ESRRG: variants seen among roughly 807,000 people sequenced by gnomAD.
ESRRG encodes the protein estrogen related receptor gamma.
A neutral mutation model predicts 44.0 loss-of-function variants in ESRRG; 13 were observed. The ratio of observed to expected loss-of-function variants is 0.30; its 90% CI spans 0.19 to 0.47. The LOEUF (loss-of-function observed/expected upper bound fraction) is 0.47. ESRRG is among the 20% of genes least tolerant of loss of function. ESRRG has a pLI of 1.00. For missense variants in ESRRG, 395 were observed against 580.6 expected, an observed-to-expected ratio of 0.68 and a Z score of 3.29; for synonymous variants, 215 against 214.6, an observed-to-expected ratio of 1.00 and a Z score of -0.02.
intron 1 of ESRRG, among the ~76,000 whole-genome samples, chr1:216,951,890 C>CATATAT (rs59850514): frequency 6.7e-6 from 1 of 149,364 alleles, no homozygotes; most frequent in Non-Finnish European, 1.5e-5. Context: ...CATATGTTTG[C>CATATAT]ATATATATAT....
chr1:216,615,429 G>C (rs1364593691), intron 3 of ESRRG, among the ~76,000 whole-genome samples: 1 of 152,152 alleles, frequency 6.6e-6, no homozygotes, highest in Non-Finnish European at 1.5e-5. Context: ...TTAACGTAGG[G>C]CTTGTTTACA....
chr1:216,859,754 G>A (rs990262512), intron 2 of ESRRG, among the ~76,000 whole-genome samples: 4 of 152,104 alleles, frequency 2.6e-5, no homozygotes, highest in Non-Finnish European at 5.9e-5. Context: ...AGAATCTAAA[G>A]GATGAAACTA....
In ESRRG at chr1:216,663,731, A is replaced by C. The variant is rs538735637; in HGVS notation, c.473-12642T>G. 1.1e-4 allele frequency among the ~76,000 whole-genome samples: 16 copies of C among 152,318 alleles called. No homozygotes were observed. The Middle Eastern group carries it at 0.01, about 97-fold the overall frequency. ...GCCTTCTGGAGTGGTCACAAAGTTTATGCAAATGGACAATTATTCTCACAT... is the reference window on the plus strand; with the variant it reads ...GCCTTCTGGAGTGGTCACAAAGTTTCTGCAAATGGACAATTATTCTCACAT... On this transcript the variant is annotated intron_variant, in intron 2 of 6. Transcript: ENST00000408911.
At chr1:217,070,330 A>G (rs1008863682) in intron 1 of ESRRG, among the ~76,000 whole-genome samples, 7 of 152,230 alleles carry the variant, frequency 4.6e-5, no homozygotes, top group Non-Finnish European at 1.0e-4. Context: ...AGATTAATCT[A>G]ATTTATGTCT....
chr1:217,026,912 C>CACACAGAGAGAGAGAGAG (rs1255637839), intron 1 of ESRRG, among the ~76,000 whole-genome samples: 3 of 93,472 alleles, frequency 3.2e-5, no homozygotes, highest in Admixed American at 2.4e-4. Context: ...CACACACACA[C>CACACAGAGAGAGAGAGAG]AGAGAGAGAG....
chr1:216,852,014 C>T (rs2095850319), intron 2 of ESRRG, among the ~76,000 whole-genome samples: 1 of 152,048 alleles, frequency 6.6e-6, no homozygotes, highest in Non-Finnish European at 1.5e-5. Flanking sequence ...GAAAGAAAAG[C>T]AATATGAGAA....
At chr1:216,930,725 A>C (rs1014813929) in intron 2 of ESRRG, among the ~76,000 whole-genome samples, 1 of 152,164 alleles carries the variant, frequency 6.6e-6, no homozygotes, top group African/African-American at 2.4e-5. Context: ...CAACATCCAG[A>C]TTTCTTCTAG....
intron 2 of ESRRG, among the ~76,000 whole-genome samples, chr1:216,674,737 G>A (rs971015554): frequency 1.0e-4 from 15 of 150,522 alleles, no homozygotes; most frequent in Admixed American, 8.7e-4. Context: ...AACCTTTCCA[G>A]TAGCCACGAC....
intron 1 of ESRRG, among the ~76,000 whole-genome samples, chr1:216,992,065 T>A (rs144374346): frequency 2.0e-5 from 3 of 152,192 alleles, no homozygotes; most frequent in Non-Finnish European, 2.9e-5. Context: ...TGGATTCCCA[T>A]GCAGTCTGGA....
At chr1:216,888,365 G>A (rs976085290) in intron 2 of ESRRG, among the ~76,000 whole-genome samples, 2 of 152,094 alleles carry the variant, frequency 1.3e-5, no homozygotes, top group Non-Finnish European at 2.9e-5. Context: ...ATGCTCTGTT[G>A]TCCTTTAGAA....
chr1:216,916,425 G>C (rs1447246628), intron 2 of ESRRG, among the ~76,000 whole-genome samples: 1 of 152,190 alleles, frequency 6.6e-6, no homozygotes, highest in African/African-American at 2.4e-5. Flanking sequence ...TGAAAGACAG[G>C]AATTCATTAG....
At chr1:216,667,929 C>T (rs1349365705) in intron 2 of ESRRG, among the ~76,000 whole-genome samples, 1 of 151,396 alleles carries the variant, frequency 6.6e-6, no homozygotes, top group Non-Finnish European at 1.5e-5. Context: ...AACCCCGTCT[C>T]TACTGAAAAA....
chr1:216,859,698 T>A (rs1370517431), intron 2 of ESRRG, among the ~76,000 whole-genome samples: 1 of 152,134 alleles, frequency 6.6e-6, no homozygotes, highest in Non-Finnish European at 1.5e-5. Flanking sequence ...AATAATTAGC[T>A]GTAGACTGAG....
At chr1:217,047,012 C>A (rs768037873) in intron 1 of ESRRG, among the ~76,000 whole-genome samples, 1 of 151,760 alleles carries the variant, frequency 6.6e-6, no homozygotes, top group Non-Finnish European at 1.5e-5. Context: ...GGATGTGTTA[C>A]TCAAAAAGGG....
intron 1 of ESRRG, among the ~76,000 whole-genome samples, chr1:216,717,848 A>G (rs2085247927): frequency 6.6e-6 from 1 of 151,828 alleles, no homozygotes; most frequent in Admixed American, 6.6e-5. Flanking sequence ...CATATTTTGC[A>G]TTTGTTTGAA....
chr1:216,694,858 C>G (rs1234246621), intron 1 of ESRRG, among the ~76,000 whole-genome samples: 1 of 152,130 alleles, frequency 6.6e-6, no homozygotes, highest in Non-Finnish European at 1.5e-5. Flanking sequence ...TGCACCTGGC[C>G]CATTTTTTGT....
At chr1:216,780,963 A>G (rs2093912006) in intron 2 of ESRRG, among the ~76,000 whole-genome samples, 1 of 152,052 alleles carries the variant, frequency 6.6e-6, no homozygotes, top group Admixed American at 6.6e-5. Context: ...GTACCTTTCT[A>G]CTTTGGCGCT....
intron 2 of ESRRG, among the ~76,000 whole-genome samples, chr1:216,882,781 A>C (rs2096464751): frequency 1.3e-5 from 2 of 152,200 alleles, no homozygotes; most frequent in African/African-American, 4.8e-5. Context: ...GATCTCAGTA[A>C]AATTGAAAAT....
intron 5 of ESRRG, among the ~76,000 whole-genome samples, chr1:216,560,813 T>C (rs2058580163): frequency 6.6e-6 from 1 of 152,204 alleles, no homozygotes; most frequent in African/African-American, 2.4e-5. Context: ...CATATTGTGT[T>C]AGCATGCGCT....
Sources: allele counts gnomAD v4.1 joint callset (sites outside exome capture counted in the v4.1 genomes callset), GRCh38; gene constraint gnomAD v4.1.1; transcripts MANE v1.5; gene names NCBI Gene and HGNC (gene_info 2026-07-23, HGNC 2026-07-21).